FAIM2: variants seen among roughly 807,000 people sequenced by gnomAD.
The protein encoded by FAIM2 is protein lifeguard 2.
Under a neutral mutation model 47.4 loss-of-function variants are expected in FAIM2, and 27 were observed. The observed-to-expected ratio is 0.57, with a 90% CI of 0.42 to 0.78. The LOEUF (loss-of-function observed/expected upper bound fraction) is 0.78. FAIM2 is among the 30% of genes least tolerant of loss of function. The pLI is 0.00. For synonymous variants in FAIM2, 156 were observed against 159.3 expected (o/e 0.98, Z 0.16); for missense variants, 311 against 389.4 (o/e 0.80, Z 1.69).
At chr12:49,891,221 G>A (rs1946897914) in intron 5 of FAIM2, 107 bp from the exon 6 acceptor site, 2 of 1,061,176 alleles carry the variant, frequency 1.9e-6, no homozygotes, top group Admixed American at 3.7e-5. Context: ...AGGGCAGCCA[G>A]GAGGGACAGG....
intron 11 of FAIM2, among the ~76,000 whole-genome samples, chr12:49,882,459 C>A (rs1946832691): frequency 6.6e-6 from 1 of 152,188 alleles, no homozygotes; most frequent in Non-Finnish European, 1.5e-5. Flanking sequence ...CAAAGCCCCT[C>A]TCATCAACAT....
intron 11 of FAIM2, 120 bp from the exon 12 acceptor site, chr12:49,870,773 T>C: frequency 1.1e-6 from 1 of 927,298 alleles, no homozygotes; most frequent in Non-Finnish European, 1.6e-6. Flanking sequence ...ACCAGCTGCC[T>C]GACTACCCAG....
intron 11 of FAIM2, among the ~76,000 whole-genome samples, chr12:49,878,642 G>GTA (rs1946766355): frequency 9.7e-6 from 1 of 103,578 alleles, no homozygotes; most frequent in African/African-American, 5.5e-5. Flanking sequence ...ATGTGCCCTT[G>GTA]TATATATGTG....
At chr12:49,880,502 G>A (rs55796909) in intron 11 of FAIM2, among the ~76,000 whole-genome samples, 44 of 111,588 alleles carry the variant, frequency 3.9e-4, no homozygotes, top group Admixed American at 1.7e-3. Context: ...GTATGTGTGT[G>A]TATGAGTGTG....
At chr12:49,896,498 CA>C (rs1946938411) in intron 5 of FAIM2, among the ~76,000 whole-genome samples, 1 of 152,202 alleles carries the variant, frequency 6.6e-6, no homozygotes. Context: ...TGACCTTGGG[CA>C]AATTCCTCAT....
chr12:49,890,578 A>C (rs1363600449), intron 7 of FAIM2, 105 bp downstream of exon 7: 1 of 1,078,328 alleles, frequency 9.3e-7, no homozygotes, highest in East Asian at 2.4e-5. Context: ...GGGACCTCAC[A>C]TTGGACATCC....
chr12:49,890,940 G>T, intron 6 of FAIM2, 124 bp downstream of exon 6: 1 of 992,378 alleles, frequency 1.0e-6, no homozygotes, highest in South Asian at 1.3e-5. Context: ...GCTCGATAGA[G>T]GCCCAGAGAG....
rs556233541 is a variant in FAIM2 at position 49,878,666 on chromosome 12, ATGTG to A, written c.802-8017_802-8014del. 1.5e-4 allele frequency among the ~76,000 whole-genome samples: 20 copies of A among 129,190 alleles called. 4 individuals are homozygous for A. Among genetic ancestry groups the A allele is most frequent in the South Asian group, 2.7e-4 (1 of 3,766 alleles). The allele number at this position is 129,190 out of a possible 152,430, so 84.8% of individuals were successfully genotyped here. A position where few individuals can be genotyped will look rare whatever the true frequency, so the allele number is the denominator to read the frequency against. Reference sequence around the variant, plus strand: ...TGTATATATGTGCGCTTGTATGTGCATGTGTGTATGTGTGTATATGTGAGTGTAT... The same window carrying A: ...TGTATATATGTGCGCTTGTATGTGCATGTATGTGTGTATATGTGAGTGTAT... On this transcript the variant is annotated intron_variant, in intron 11 of 11. Transcript: ENST00000320634.
In FAIM2 at chr12:49,878,500, G is replaced by A. The variant is rs1189413904; in HGVS notation, c.802-7847C>T. Among the ~76,000 whole-genome samples the A allele has an allele frequency of 2.2e-5, 2 of 89,528 alleles. 1 individual carries two copies. The highest frequency in any genetic ancestry group is 4.2e-5 in the Non-Finnish European group (2 of 47,682). 58.7% of individuals were successfully genotyped at this position (89,528 alleles called of 152,430 possible). A position where few individuals can be genotyped will look rare whatever the true frequency, so the allele number is the denominator to read the frequency against. The stretch of plus-strand genomic sequence containing the variant: ...TGCATGTGTGTATATGTATGTGCAT[G>A]TGTGTATATGTGTGCATATGACTGT... On this transcript the variant is annotated intron_variant, in intron 11 of 11. Coordinates refer to ENST00000320634, the MANE Select transcript of FAIM2 (RefSeq NM_012306.4).
intron 6 of FAIM2, 64 bp downstream of exon 6, chr12:49,890,999 TG>T: frequency 6.5e-7 from 1 of 1,530,404 alleles, no homozygotes; most frequent in Non-Finnish European, 9.1e-7. Flanking sequence ...CTGGCAGGGC[TG>T]GGGCCAGAAT....
At chr12:49,880,371 T>C (rs1297811700) in intron 11 of FAIM2, among the ~76,000 whole-genome samples, 2 of 124,208 alleles carry the variant, frequency 1.6e-5, no homozygotes, top group Admixed American at 7.7e-5. Flanking sequence ...TATGTGCATG[T>C]GTATGTGTGT....
chr12:49,894,274 G>C (rs1441746937), intron 5 of FAIM2, among the ~76,000 whole-genome samples: 1 of 152,196 alleles, frequency 6.6e-6, no homozygotes, highest in African/African-American at 2.4e-5. Context: ...ATTAGAAGCT[G>C]GCTGATGGAC....
intron 11 of FAIM2, among the ~76,000 whole-genome samples, chr12:49,884,694 G>A (rs2137093847): frequency 6.6e-6 from 1 of 152,330 alleles, no homozygotes; most frequent in Non-Finnish European, 1.5e-5. Flanking sequence ...TCTGTGCCAG[G>A]ACGGGCATGG....
In FAIM2 at chr12:49,878,420, G is replaced by GTC. The variant is rs1946760811; in HGVS notation, c.802-7768_802-7767insGA. On this transcript the variant is annotated intron_variant, in intron 11 of 11. Transcript: ENST00000320634. ...TGTCTGTGTGCATGTGAGTGTATGT[G>GTC]TGTGTATATGTGCAAGTGTGTGTCT... 1.5e-5 allele frequency among the ~76,000 whole-genome samples: 2 copies of GTC among 136,222 alleles called. 1 individual carries two copies. Among genetic ancestry groups the GTC allele is most frequent in the Non-Finnish European group, 3.1e-5 (2 of 64,462 alleles). 89.4% of individuals were successfully genotyped at this position (136,222 alleles called of 152,430 possible).
Position 49,870,502 on chromosome 12 carries a change from C to T in FAIM2, c.*2G>A, listed in dbSNP as rs1946694352. The T allele has an allele frequency of 6.2e-7, 1 of 1,613,294 alleles. No individual in the cohort carries two copies. Among genetic ancestry groups the T allele is most frequent in the African/African-American group, 1.3e-5 (1 of 74,948 alleles). On this transcript the variant is annotated 3_prime_UTR_variant, in exon 12 of 12. Transcript: ENST00000320634. ...GGAGGACGGTGGGGCAGGGAGGGCT[C>T]CTCATTCTCGGTTAGTGCCAAAAAG... is the stretch of plus-strand genomic sequence containing the variant.
chr12:49,880,167 T>TGTGTTTCTGTGTGC (rs146657856), intron 11 of FAIM2, among the ~76,000 whole-genome samples: 2 of 143,416 alleles, frequency 1.4e-5, no homozygotes, highest in African/African-American at 5.2e-5. Context: ...TGCATGTGTG[T>TGTGTTTCTGTGTGC]ATGTGTGTGT....
At chr12:49,879,456 A>G (rs1425021861) in intron 11 of FAIM2, among the ~76,000 whole-genome samples, 2 of 134,876 alleles carry the variant, frequency 1.5e-5, no homozygotes, top group Non-Finnish European at 3.2e-5. Flanking sequence ...GTGTGTGCAT[A>G]CGTGTATATG....
intron 2 of FAIM2, 55 bp downstream of exon 2, chr12:49,901,074 CT>C: frequency 7.1e-7 from 1 of 1,417,204 alleles, no homozygotes; most frequent in Admixed American, 3.0e-5. Context: ...CAGGTTTTCC[CT>C]CTGGGTCCAC....
chr12:49,889,358 C>T, intron 9 of FAIM2, 123 bp downstream of exon 9: 2 of 1,036,300 alleles, frequency 1.9e-6, no homozygotes, highest in Non-Finnish European at 2.9e-6. Flanking sequence ...CTTCCCCAAA[C>T]CCAACTCACC....
Sources: allele counts gnomAD v4.1 joint callset (sites outside exome capture counted in the v4.1 genomes callset), GRCh38; gene constraint gnomAD v4.1.1; transcripts MANE v1.5; gene names NCBI Gene and HGNC (gene_info 2026-07-23, HGNC 2026-07-21).